Variants in GLCE observed in about 807,000 individuals in gnomAD.
The protein encoded by GLCE is glucuronic acid epimerase, also known as D-glucuronyl C5-epimerase.
In GLCE, 19 loss-of-function variants were observed where a neutral mutation model predicts 47.9. That is an observed-to-expected ratio of 0.40 (90% CI 0.28 to 0.58). The LOEUF is 0.58. Ranked by LOEUF, GLCE falls within the 20% of genes least tolerant of loss-of-function variation. The pLI is 0.48. For missense variants in GLCE, 556 were observed against 743.3 expected, an observed-to-expected ratio of 0.75 and a Z score of 2.93; for synonymous variants, 245 against 263.4, an observed-to-expected ratio of 0.93 and a Z score of 0.68.
chr15:69,195,350 G>A (rs1180525136), intron 1 of GLCE, among the ~76,000 whole-genome samples: 1 of 151,488 alleles, frequency 6.6e-6, no homozygotes, highest in African/African-American at 2.4e-5. Flanking sequence ...AAAAAGAGAA[G>A]TAAAAAAATA....
intron 2 of GLCE, among the ~76,000 whole-genome samples, chr15:69,243,591 T>G (rs975868443): frequency 1.3e-5 from 2 of 151,018 alleles, no homozygotes; most frequent in Non-Finnish European, 2.9e-5. Context: ...AAAGCCAATT[T>G]GTGTTGCATG....
intron 1 of GLCE, among the ~76,000 whole-genome samples, chr15:69,203,026 G>A (rs962036): frequency 0.69 from 105,483 of 151,964 alleles, 37,623 homozygotes; most frequent in Non-Finnish European, 0.77. Flanking sequence ...AGTTTGGATG[G>A]TACTAATTTG....
intron 2 of GLCE, among the ~76,000 whole-genome samples, chr15:69,213,582 T>G (rs2052263192): frequency 6.6e-6 from 1 of 152,154 alleles, no homozygotes; most frequent in Admixed American, 6.6e-5. Context: ...AATGTTAACC[T>G]TGATCACTTG....
At chr15:69,194,130 C>G (rs1163469688) in intron 1 of GLCE, among the ~76,000 whole-genome samples, 1 of 152,152 alleles carries the variant, frequency 6.6e-6, no homozygotes, top group East Asian at 1.9e-4. Context: ...CAGTTCCTCT[C>G]CCTACCTAGG....
intron 1 of GLCE, among the ~76,000 whole-genome samples, chr15:69,207,062 A>T (rs1198703054): frequency 1.3e-5 from 2 of 152,098 alleles, no homozygotes; most frequent in African/African-American, 2.4e-5. Context: ...TTTCTAACAG[A>T]AACCTGGCCT....
At chr15:69,236,249 G>A (rs2052593254) in intron 2 of GLCE, among the ~76,000 whole-genome samples, 1 of 142,248 alleles carries the variant, frequency 7.0e-6, no homozygotes, top group African/African-American at 3.1e-5. Flanking sequence ...TTCATAACCT[G>A]TTTAGTTTTA....
chr15:69,263,235 G>A (rs1171959954), intron 4 of GLCE, among the ~76,000 whole-genome samples: 2 of 152,172 alleles, frequency 1.3e-5, no homozygotes, highest in African/African-American at 4.8e-5. Context: ...AACAGAGCAG[G>A]AGAAGGGAAT....
At chr15:69,224,105 TC>T (rs1174459458) in intron 2 of GLCE, among the ~76,000 whole-genome samples, 3 of 152,234 alleles carry the variant, frequency 2.0e-5, no homozygotes, top group Non-Finnish European at 4.4e-5. Context: ...TGCCATACTT[TC>T]CTGTTTCTTT....
In GLCE at chr15:69,174,520, G is replaced by A. The variant is rs184358962; in HGVS notation, c.-105+13763G>A. Among the ~76,000 whole-genome samples the A allele has an allele frequency of 6.1e-4, 93 of 152,294 alleles. 1 individual carries two copies. The highest frequency in any genetic ancestry group is 2.0e-3 in the African/African-American group (85 of 41,562). On this transcript the variant is annotated intron_variant, in intron 1 of 4. Transcript: ENST00000261858. ...AGCTACTCAGGAGGCTGAAGCAGCAGAATCACTTGAGCCTGGGAGGTAGAG... is the reference window on the plus strand; with the variant it reads ...AGCTACTCAGGAGGCTGAAGCAGCAAAATCACTTGAGCCTGGGAGGTAGAG...
Position 69,269,293 on chromosome 15 carries a change from CA to C in GLCE, c.*50del. The C allele has an allele frequency of 6.9e-7, 1 of 1,440,056 alleles. No homozygotes were observed. The allele number at this position is 1,440,056 out of a possible 1,614,324, so 89.2% of individuals were successfully genotyped here. A position where few individuals can be genotyped will look rare whatever the true frequency, so the allele number is the denominator to read the frequency against. Reference sequence around the variant, plus strand: ...CAGCCTCTGCTGTACACAGAAACTACAGGCTCTGTCTCAGGAGAGCATAGGC... The same window carrying C: ...CAGCCTCTGCTGTACACAGAAACTACGGCTCTGTCTCAGGAGAGCATAGGC... On this transcript the variant is annotated 3_prime_UTR_variant, in exon 5 of 5. Transcript: ENST00000261858.
intron 1 of GLCE, among the ~76,000 whole-genome samples, chr15:69,191,818 G>A (rs1401797280): frequency 6.6e-6 from 1 of 152,060 alleles, no homozygotes; most frequent in African/African-American, 2.4e-5. Context: ...TCTAAGGATA[G>A]CACTCCTGAG....
intron 1 of GLCE, among the ~76,000 whole-genome samples, chr15:69,192,487 G>A (rs1303366954): frequency 6.6e-6 from 1 of 151,852 alleles, no homozygotes; most frequent in African/African-American, 2.4e-5. Flanking sequence ...CTGTTTTAAT[G>A]TTCTCATCTC....
At chr15:69,179,582 A>G (rs1317326931) in intron 1 of GLCE, among the ~76,000 whole-genome samples, 1 of 152,210 alleles carries the variant, frequency 6.6e-6, no homozygotes, top group African/African-American at 2.4e-5. Flanking sequence ...TGCCATCCCT[A>G]TATAGTCATA....
rs150762907 is a variant in GLCE at position 69,266,715 on chromosome 15, C to G, written c.830-1505C>G. 1,163 of 929,336 alleles carry G rather than the reference C, an allele frequency of 1.3e-3. 15 individuals carry two copies. In the African/African-American group the frequency reaches 0.019, roughly 15 times the overall value. The allele number at this position is 929,336 out of a possible 1,614,324, so 57.6% of individuals were successfully genotyped here. The stretch of plus-strand genomic sequence containing the variant: ...GCTTCTATGGCTGCATCTAAGAGAA[C>G]CTTTCTATTGAATATTCTCATAAGA... On this transcript the variant is annotated intron_variant, in intron 4 of 4. Transcript: ENST00000261858.
rs116775357 is a variant in GLCE at position 69,238,557 on chromosome 15, A to G, written c.-13-17237A>G. On this transcript the variant is annotated intron_variant, in intron 2 of 4. Coordinates refer to ENST00000261858, the MANE Select transcript of GLCE (RefSeq NM_015554.3). Reference sequence around the variant, plus strand: ...TTCCCCACCCTCCCAAAAAGGAACAACTTCCTTTCTCATTGAAATGAATAT... The same window carrying G: ...TTCCCCACCCTCCCAAAAAGGAACAGCTTCCTTTCTCATTGAAATGAATAT... 6.3e-3 allele frequency among the ~76,000 whole-genome samples: 964 copies of G among 152,294 alleles called. 10 individuals are homozygous for G. The highest frequency in any genetic ancestry group is 0.022 in the African/African-American group (922 of 41,560).
At chr15:69,221,911 G>T (rs1056024615) in intron 2 of GLCE, among the ~76,000 whole-genome samples, 1 of 150,820 alleles carries the variant, frequency 6.6e-6, no homozygotes, top group Non-Finnish European at 1.5e-5. Flanking sequence ...AGAGTTGCCA[G>T]AGTTCTTGTG....
intron 1 of GLCE, among the ~76,000 whole-genome samples, chr15:69,191,286 A>G (rs1275547268): frequency 1.3e-5 from 2 of 152,094 alleles, no homozygotes; most frequent in East Asian, 3.9e-4. Context: ...AAATTACATC[A>G]ACATTTCAGA....
chr15:69,170,841 A>G (rs994494195), intron 1 of GLCE, among the ~76,000 whole-genome samples: 2 of 152,344 alleles, frequency 1.3e-5, no homozygotes, highest in East Asian at 1.9e-4. Flanking sequence ...ACTTCTGTTT[A>G]TAGTACTGAT....
intron 2 of GLCE, among the ~76,000 whole-genome samples, chr15:69,222,247 A>G (rs2052387364): frequency 6.6e-6 from 1 of 152,214 alleles, no homozygotes; most frequent in Non-Finnish European, 1.5e-5. Flanking sequence ...GAGGTATGGC[A>G]GCACGGGTCC....
Sources: gnomAD v4.1 joint callset for allele counts (sites outside exome capture counted in the v4.1 genomes callset) on GRCh38, gnomAD v4.1.1 for gene constraint, MANE v1.5 for transcripts, NCBI Gene and HGNC (gene_info 2026-07-23, HGNC 2026-07-21) for gene names.